PBX4: variants seen among roughly 807,000 people sequenced by gnomAD.
PBX4 encodes PBX homeobox 4, also known as pre-B-cell leukemia transcription factor 4.
Under a neutral mutation model 35.1 loss-of-function variants are expected in PBX4, and 26 were observed. The observed-to-expected ratio is 0.74, with a 90% CI of 0.54 to 1.03. PBX4 has a LOEUF of 1.03. PBX4 is among the 50% of genes least tolerant of loss of function. The pLI, the probability that PBX4 is intolerant of heterozygous loss-of-function variation, is 0.00. For synonymous variants in PBX4, 199 were observed against 204.2 expected, an observed-to-expected ratio of 0.97 and a Z score of 0.22; for missense variants, 448 against 504.3, an observed-to-expected ratio of 0.89 and a Z score of 1.07.
rs1050644829 is a variant in PBX4, at chr19:19,563,755, C to A, written c.926-140G>T. Reference sequence around the variant, plus strand: ...CCGGCCTCTGCTCCTCAGCCCCCACCCAGGCAGGCCAGCGGGCCCTCCCCA... The same window carrying A: ...CCGGCCTCTGCTCCTCAGCCCCCACACAGGCAGGCCAGCGGGCCCTCCCCA... On this transcript the variant is annotated intron_variant, in intron 6 of 7. Transcript: ENST00000251203. The surrounding 1 kb of genome is among the most constrained non-coding windows in gnomAD (Gnocchi z 5.1). 1.4e-4 allele frequency: 104 copies of A among 718,394 alleles called. No homozygotes were observed. The highest frequency in any genetic ancestry group is 2.3e-4 in the Non-Finnish European group (93 of 402,444). 44.5% of individuals were successfully genotyped at this position (718,394 alleles called of 1,614,324 possible). A position where few individuals can be genotyped will look rare whatever the true frequency, so the allele number is the denominator to read the frequency against.
rs894663533 is a variant in PBX4 at position 19,561,911 on chromosome 19, G to GCAC, written c.*111_*113dup. The GCAC allele has an allele frequency of 7.1e-6, 6 of 839,378 alleles. No individual in the cohort carries two copies. The East Asian group carries it at 1.5e-4, about 22-fold the overall frequency. The allele number at this position is 839,378 out of a possible 1,614,324, so 52.0% of individuals were successfully genotyped here. On this transcript the variant is annotated 3_prime_UTR_variant, in exon 8 of 8. Coordinates refer to ENST00000251203, the MANE Select transcript of PBX4 (RefSeq NM_025245.3). Reference sequence around the variant, plus strand: ...CTGGCTGAGGAGCAGGGGCTCATGGGCACCACCACCCATCTGGGTTTTCTG... The same window carrying GCAC: ...CTGGCTGAGGAGCAGGGGCTCATGGGCACCACCACCACCCATCTGGGTTTTCTG...
At chr19:19,608,139 G>A (rs550099272) in intron 1 of PBX4, 1 of 152,344 alleles carries the variant, frequency 6.6e-6, no homozygotes, top group South Asian at 2.1e-4. Context: ...GATCACTTGA[G>A]GTCAGGAGAT....
At chr19:19,564,799 G>T in intron 6 of PBX4, 134 bp downstream of exon 6, 1 of 1,138,356 alleles carries the variant, frequency 8.8e-7, no homozygotes, top group Non-Finnish European at 1.3e-6. Context: ...TCTCACAGTT[G>T]AAACAGAAGA....
intron 2 of PBX4, among the ~76,000 whole-genome samples, chr19:19,584,020 G>T (rs1200520675): frequency 6.6e-6 from 1 of 152,160 alleles, no homozygotes; most frequent in Non-Finnish European, 1.5e-5. Flanking sequence ...GGTGAGCCGA[G>T]ATCATGCCAT....
intron 1 of PBX4, among the ~76,000 whole-genome samples, chr19:19,609,074 G>A (rs762330720): frequency 1.3e-5 from 2 of 152,106 alleles, no homozygotes; most frequent in Admixed American, 6.6e-5. Flanking sequence ...GATCTCCCAC[G>A]GCACCCAATC....
intron 5 of PBX4, among the ~76,000 whole-genome samples, chr19:19,568,417 G>A (rs1433654814): frequency 1.4e-5 from 2 of 146,416 alleles, no homozygotes; most frequent in African/African-American, 2.5e-5. Flanking sequence ...GTATCCCTCA[G>A]GGAGCTCACA....
chr19:19,586,671 C>A (rs2061490855), intron 2 of PBX4, among the ~76,000 whole-genome samples: 1 of 151,868 alleles, frequency 6.6e-6, no homozygotes, highest in Admixed American at 6.6e-5. Context: ...CTTGGCCGGG[C>A]ATGATGGCTC....
intron 1 of PBX4, among the ~76,000 whole-genome samples, chr19:19,612,483 G>T (rs1230179543): frequency 6.6e-6 from 1 of 152,112 alleles, no homozygotes; most frequent in Admixed American, 6.6e-5. Context: ...GGATCAGAAA[G>T]ATTTTCAAAA....
intron 1 of PBX4, among the ~76,000 whole-genome samples, chr19:19,613,445 CAAAA>C (rs57256131): frequency 4.3e-4 from 49 of 113,626 alleles, no homozygotes; most frequent in African/African-American, 1.3e-3. Flanking sequence ...GACTCTGTCT[CAAAA>C]AAAAAAAAAA....
At chr19:19,575,873 C>T (rs1319645912) in intron 2 of PBX4, among the ~76,000 whole-genome samples, 3 of 152,228 alleles carry the variant, frequency 2.0e-5, no homozygotes, top group Admixed American at 6.5e-5. Context: ...CATGTGTGGG[C>T]GGAGGATACA....
intron 1 of PBX4, among the ~76,000 whole-genome samples, chr19:19,599,757 G>C (rs1330978608): frequency 6.6e-6 from 1 of 152,102 alleles, no homozygotes; most frequent in Non-Finnish European, 1.5e-5. Flanking sequence ...CGGATTGCCT[G>C]AGGTCAGGAG....
intron 3 of PBX4, 105 bp from the exon 4 acceptor site, chr19:19,570,404 A>G (rs2061374543): frequency 2.1e-6 from 3 of 1,451,974 alleles, no homozygotes; most frequent in Admixed American, 4.3e-5. Flanking sequence ...TGTAGTTCAC[A>G]CACCGGCGGG....
At chr19:19,584,671 A>G (rs2061477561) in intron 2 of PBX4, among the ~76,000 whole-genome samples, 1 of 148,962 alleles carries the variant, frequency 6.7e-6, no homozygotes, top group South Asian at 2.2e-4. Flanking sequence ...TGTTGCCTAA[A>G]CTGGAGTGCA....
At chr19:19,587,112 C>G (rs1414131647) in intron 2 of PBX4, among the ~76,000 whole-genome samples, 1 of 151,876 alleles carries the variant, frequency 6.6e-6, no homozygotes, top group African/African-American at 2.4e-5. Context: ...TCAAGTGATT[C>G]TCCTGCCTCA....
At chr19:19,573,876 C>T (rs1229113742) in intron 2 of PBX4, among the ~76,000 whole-genome samples, 2 of 152,048 alleles carry the variant, frequency 1.3e-5, no homozygotes, top group Non-Finnish European at 2.9e-5. Flanking sequence ...ATTACAGGCG[C>T]TCGCCACCAT....
intron 2 of PBX4, among the ~76,000 whole-genome samples, chr19:19,598,617 T>G (rs983219499): frequency 5.9e-5 from 9 of 152,160 alleles, no homozygotes; most frequent in African/African-American, 1.9e-4. Flanking sequence ...TCTTATTCAA[T>G]TTCCCTAAGT....
At chr19:19,599,966 C>T (rs565702423) in intron 1 of PBX4, among the ~76,000 whole-genome samples, 3 of 145,552 alleles carry the variant, frequency 2.1e-5, no homozygotes, top group East Asian at 4.0e-4. Flanking sequence ...GAGTGAGACT[C>T]CATCTCAAAA....
intron 2 of PBX4, among the ~76,000 whole-genome samples, chr19:19,582,133 C>G (rs1008413050): frequency 3.3e-5 from 5 of 152,132 alleles, no homozygotes; most frequent in Admixed American, 1.3e-4. Context: ...CCTCCCACCC[C>G]CCAAATCCTG....
At chr19:19,583,530 T>C (rs2061469127) in intron 2 of PBX4, among the ~76,000 whole-genome samples, 1 of 150,454 alleles carries the variant, frequency 6.6e-6, no homozygotes, top group Admixed American at 6.7e-5. Flanking sequence ...GGAAGATCGC[T>C]TGAGCCCCGG....
Sources: allele counts gnomAD v4.1 joint callset (sites outside exome capture counted in the v4.1 genomes callset), GRCh38; gene constraint gnomAD v4.1.1; non-coding constraint Gnocchi (gnomAD v3.1); transcripts MANE v1.5; gene names NCBI Gene and HGNC (gene_info 2026-07-23, HGNC 2026-07-21).